SLIT2: variants seen among roughly 807,000 people sequenced by gnomAD.
SLIT2 encodes slit homolog 2 protein.
A neutral mutation model predicts 185.7 loss-of-function variants in SLIT2; 41 were observed. The observed-to-expected ratio is 0.22, with a 90% confidence interval of 0.17 to 0.29. The LOEUF (loss-of-function observed/expected upper bound fraction) is 0.29, where lower values mean the gene tolerates loss of function less well. Among genes scored for constraint, SLIT2 ranks in the 10% least tolerant of loss-of-function variants. The pLI, the probability that SLIT2 is intolerant of heterozygous loss-of-function variation, is 1.00. For missense variants in SLIT2, 1,571 were observed against 1,909.0 expected (o/e 0.82, Z 3.30); for synonymous variants, 693 against 680.2 (o/e 1.02, Z -0.29).
In SLIT2 at chr4:20,331,823, G is replaced by C. The variant is rs1182290260; in HGVS notation, c.395+62942G>C. Among the ~76,000 whole-genome samples the C allele has an allele frequency of 2.6e-5, 4 of 152,106 alleles. No individual in the cohort carries two copies. The East Asian group carries it at 7.7e-4, about 29-fold the overall frequency. On this transcript the variant is annotated intron_variant, in intron 4 of 36. Transcript: ENST00000504154. The stretch of plus-strand genomic sequence containing the variant: ...TGACTCCTCCTGGCAACCATTTTCT[G>C]TCTCCATGTATTTGCCAATTCTGGA...
At chr4:20,441,084 A>G (rs1248020136) in intron 4 of SLIT2, among the ~76,000 whole-genome samples, 7 of 152,144 alleles carry the variant, frequency 4.6e-5, no homozygotes, top group Non-Finnish European at 8.8e-5. Context: ...ATTCCTTCAT[A>G]AACAGCAAAC....
chr4:20,400,412 G>A lies in SLIT2; in HGVS notation c.396-67340G>A, dbSNP rs573750321. On this transcript the variant is annotated intron_variant, in intron 4 of 36. Coordinates refer to ENST00000504154, the MANE Select transcript of SLIT2 (RefSeq NM_004787.4). ...ATGTAATTGGTAAAATGTGGTGATA[G>A]GTAGGTAGAAAAAGAGATGAGTATA... Among the ~76,000 whole-genome samples the A allele has an allele frequency of 2.6e-5, 4 of 151,814 alleles. No individual in the cohort carries two copies. The East Asian group carries it at 5.8e-4, about 22-fold the overall frequency.
chr4:20,474,984 C>T (rs1715936304), intron 5 of SLIT2, among the ~76,000 whole-genome samples: 1 of 151,626 alleles, frequency 6.6e-6, no homozygotes, highest in Admixed American at 6.6e-5. Context: ...CAGAATGTTG[C>T]CTAGTTCTAC....
chr4:20,461,509 A>G (rs1410937418), intron 4 of SLIT2, among the ~76,000 whole-genome samples: 1 of 152,170 alleles, frequency 6.6e-6, no homozygotes, highest in Non-Finnish European at 1.5e-5. Context: ...TGTAGTTTTC[A>G]TGAGAAATGT....
At chr4:20,277,254 C>T (rs1714256895) in intron 4 of SLIT2, among the ~76,000 whole-genome samples, 1 of 151,972 alleles carries the variant, frequency 6.6e-6, no homozygotes, top group South Asian at 2.1e-4. Context: ...TGTTGGTTTC[C>T]TGGGAGGTTT....
At chr4:20,530,788 A>G (rs889213271) in intron 16 of SLIT2, among the ~76,000 whole-genome samples, 1 of 152,136 alleles carries the variant, frequency 6.6e-6, no homozygotes. Flanking sequence ...TATAATTTAG[A>G]TTAAAAGGTA....
rs1726661441 is a variant in SLIT2, at chr4:20,404,951, G to T, written c.396-62801G>T. 2.0e-5 allele frequency among the ~76,000 whole-genome samples: 3 copies of T among 151,950 alleles called. No individual in the cohort carries two copies. In the South Asian group the frequency reaches 6.2e-4, roughly 32 times the overall value. On this transcript the variant is annotated intron_variant, in intron 4 of 36. Transcript: ENST00000504154. ...ATACTGGTATTTTTTTCTGGAGTAT[G>T]ATTTATAACATTTTTATGAACCTCT...
intron 4 of SLIT2, among the ~76,000 whole-genome samples, chr4:20,452,089 A>G (rs924436841): frequency 6.6e-6 from 1 of 152,246 alleles, no homozygotes; most frequent in Non-Finnish European, 1.5e-5. Context: ...TCCACAAGAT[A>G]AAGAAGCATT....
chr4:20,516,626 C>T (rs1019184569), intron 11 of SLIT2, among the ~76,000 whole-genome samples: 2 of 151,956 alleles, frequency 1.3e-5, no homozygotes, highest in African/African-American at 4.8e-5. Context: ...TAGATTTTGG[C>T]CCTATTTCCT....
chr4:20,355,643 A>G (rs980957423), intron 4 of SLIT2, among the ~76,000 whole-genome samples: 10 of 152,310 alleles, frequency 6.6e-5, no homozygotes, highest in African/African-American at 2.2e-4. Context: ...ATTTAATACC[A>G]AACTATAGCC....
intron 4 of SLIT2, among the ~76,000 whole-genome samples, chr4:20,288,488 G>GA (rs2109073571): frequency 6.6e-6 from 1 of 152,344 alleles, no homozygotes; most frequent in Admixed American, 6.5e-5. Context: ...TTTAATTCCT[G>GA]AAGTGCTGGG....
At chr4:20,543,519 A>G (rs1722998034) in intron 21 of SLIT2, among the ~76,000 whole-genome samples, 1 of 152,234 alleles carries the variant, frequency 6.6e-6, no homozygotes, top group South Asian at 2.1e-4. Flanking sequence ...CTATGGATCA[A>G]TAATGATTTA....
At chr4:20,274,885 C>T (rs550419049) in intron 4 of SLIT2, among the ~76,000 whole-genome samples, 1 of 152,056 alleles carries the variant, frequency 6.6e-6, no homozygotes, top group South Asian at 2.1e-4. Context: ...GGGAAACTAA[C>T]AAAATATGTG....
chr4:20,532,218 T>C (rs1721875375), intron 17 of SLIT2, among the ~76,000 whole-genome samples, 160 bp downstream of exon 17: 1 of 152,152 alleles, frequency 6.6e-6, no homozygotes, highest in South Asian at 2.1e-4. Flanking sequence ...GCAAGGGACT[T>C]TTCTGTGTGT....
intron 4 of SLIT2, among the ~76,000 whole-genome samples, chr4:20,423,047 A>G (rs1169426868): frequency 4.6e-5 from 7 of 152,002 alleles, no homozygotes; most frequent in Non-Finnish European, 7.4e-5. Context: ...CGCTATCCCA[A>G]TCTCTACTAT....
chr4:20,582,710 CTCTT>C (rs1726691993), intron 29 of SLIT2, among the ~76,000 whole-genome samples: 1 of 152,178 alleles, frequency 6.6e-6, no homozygotes, highest in Non-Finnish European at 1.5e-5. Flanking sequence ...CAATTTTTCT[CTCTT>C]TCCTTATTAA....
chr4:20,411,508 A>T (rs1727256483), intron 4 of SLIT2, among the ~76,000 whole-genome samples: 1 of 152,220 alleles, frequency 6.6e-6, no homozygotes, highest in Non-Finnish European at 1.5e-5. Context: ...CTCTAAACTG[A>T]CACTCTAGAA....
chr4:20,459,406 T>G (rs141917850), intron 4 of SLIT2, among the ~76,000 whole-genome samples: 123 of 152,248 alleles, frequency 8.1e-4, no homozygotes, highest in African/African-American at 2.8e-3. Context: ...AATACATGAA[T>G]GAGAAAATAG....
At chr4:20,525,116 C>T (rs1031225433) in intron 14 of SLIT2, 33 bp from the exon 15 acceptor site, 2 of 1,553,604 alleles carry the variant, frequency 1.3e-6, no homozygotes, top group Non-Finnish European at 8.9e-7. Context: ...CATTCAGGTG[C>T]ATCTTCTATT....
Sources: gnomAD v4.1 joint callset for allele counts (sites outside exome capture counted in the v4.1 genomes callset) on GRCh38, gnomAD v4.1.1 for gene constraint, MANE v1.5 for transcripts, NCBI Gene and HGNC (gene_info 2026-07-23, HGNC 2026-07-21) for gene names.